Variants in ZNF606 observed in about 807,000 individuals in gnomAD.
ZNF606 encodes zinc finger protein 606, also known as zinc finger protein 328.
ZNF606 carries 37 observed loss-of-function variants against 74.9 expected under a neutral mutation model. That is an observed-to-expected ratio of 0.49 (90% CI 0.38 to 0.65). The LOEUF is 0.65. Among genes scored for constraint, ZNF606 ranks in the 30% least tolerant of loss-of-function variants. The pLI is 0.00. For synonymous variants in ZNF606, 328 were observed against 312.4 expected, an observed-to-expected ratio of 1.05 and a Z score of -0.53; for missense variants, 852 against 952.9, an observed-to-expected ratio of 0.89 and a Z score of 1.39.
At chr19:57,983,276 A>G (rs1279415739) in intron 6 of ZNF606, among the ~76,000 whole-genome samples, 1 of 152,146 alleles carries the variant, frequency 6.6e-6, no homozygotes, top group Non-Finnish European at 1.5e-5. Context: ...ATGAATATAC[A>G]TGAAATATCA....
chr19:57,982,955 C>T (rs1387662362), intron 6 of ZNF606, among the ~76,000 whole-genome samples: 2 of 150,514 alleles, frequency 1.3e-5, no homozygotes, highest in Non-Finnish European at 3.0e-5. Context: ...CCCCCACGAC[C>T]ATTATAACAG....
chr19:57,989,100 G>A (rs4801536), intron 4 of ZNF606, among the ~76,000 whole-genome samples: 25,042 of 152,156 alleles, frequency 0.16, 2,168 homozygotes, highest in African/African-American at 0.23. Context: ...GGCTACAAGC[G>A]AGACCTTGAG....
Position 58,000,658 on chromosome 19 carries a change from A to G in ZNF606, c.88+25T>C, listed in dbSNP as rs779882770. On this transcript the variant is annotated intron_variant, in intron 3 of 6. Transcript: ENST00000551380. ...GCCAGAGGCCACAATATGGCAGCCC[A>G]CAGCTGACCAGGCTCTTGACTCACC... 3.7e-6 allele frequency: 6 copies of G among 1,613,736 alleles called. No homozygotes were observed. In the South Asian group the frequency reaches 6.6e-5, roughly 18 times the overall value.
intron 5 of ZNF606, 48 bp from the exon 6 acceptor site, chr19:57,988,350 C>CATG: frequency 6.3e-7 from 1 of 1,575,436 alleles, no homozygotes; most frequent in Non-Finnish European, 8.7e-7. Flanking sequence ...GGCTTCAGGA[C>CATG]AGCCAAAGAA....
intron 1 of ZNF606, 65 bp downstream of exon 1, chr19:58,002,331 C>T (rs956008019): frequency 2.2e-6 from 1 of 456,750 alleles, no homozygotes; most frequent in Non-Finnish European, 4.4e-6. Flanking sequence ...CCAGAGCTCC[C>T]GACCCAAATT....
In ZNF606 at chr19:57,978,747, T is replaced by C. The variant is rs1451546344; in HGVS notation, c.1933A>G (p.Thr645Ala). The C allele has an allele frequency of 3.1e-6, 5 of 1,614,088 alleles. No individual in the cohort carries two copies. The African/African-American group carries it at 6.7e-5, about 22-fold the overall frequency. ...QMAHLVRHQR[T>A]HTGEKPYECN... ...TCATAGGGTTTTTCTCCAGTATGAG[T>C]CCTTTGATGTCTAACAAGGTGAGCC... The change falls in exon 7 of 7, where the codon ACT becomes GCT. Residue 645 changes from threonine (T) to alanine (A), a missense_variant. This residue lies in a region of ZNF606 where 243 missense variants were observed against 359.2 expected (regional missense o/e 0.68). Transcript: ENST00000551380. The surrounding 1 kb of genome is among the most constrained non-coding windows in gnomAD (Gnocchi z 4.4).
At position 58,002,609 on chromosome 19, in the gene ZNF606, G is replaced by GGGAGGCCGGAGGCA; in HGVS notation, c.-279_-266dup. ...CAGAAAACGAAGAACGCCCGGAGGC[G>GGGAGGCCGGAGGCA]GGAGGCCGGAGGCAGGCTGCTGGCT... On this transcript the variant is annotated 5_prime_UTR_variant, in exon 1 of 7. Transcript: ENST00000551380. 2.3e-6 allele frequency: 1 copy of GGGAGGCCGGAGGCA among 441,948 alleles called. No individual in the cohort carries two copies. The highest frequency in any genetic ancestry group is 4.5e-6 in the Non-Finnish European group (1 of 223,510). The allele number at this position is 441,948 out of a possible 1,614,324, so 27.4% of individuals were successfully genotyped here.
At chr19:57,996,118 T>G (rs2073338668) in intron 4 of ZNF606, among the ~76,000 whole-genome samples, 1 of 152,164 alleles carries the variant, frequency 6.6e-6, no homozygotes, top group African/African-American at 2.4e-5. Context: ...GTAAGCCCCA[T>G]GGGCTAAAAA....
At chr19:57,989,741 C>T (rs1157832730) in intron 4 of ZNF606, among the ~76,000 whole-genome samples, 2 of 151,808 alleles carry the variant, frequency 1.3e-5, no homozygotes, top group Admixed American at 6.6e-5. Flanking sequence ...GCCACTGCAC[C>T]CAGCTTCGAG....
Position 57,979,692 on chromosome 19 carries a change from G to A in ZNF606, c.988C>T (p.Pro330Ser). 6.2e-7 allele frequency: 1 copy of A among 1,613,418 alleles called. No individual in the cohort carries two copies. Among genetic ancestry groups the A allele is most frequent in the South Asian group, 1.1e-5 (1 of 90,970 alleles). ...AGCCTTGGGTGTTCATTAAATGATG[G>A]GCTCTGGTTAAAGATTTGATGGCAT... is the stretch of plus-strand genomic sequence containing the variant. ...KECHQIFNQS[P>S]SFNEHPRLHV... Residue 330 changes from proline to serine, a missense_variant, in exon 7 of 7, where the codon CCA (proline) becomes TCA (serine). By Grantham distance (74) the Pro-to-Ser change is moderately conservative. Transcript: ENST00000551380.
At chr19:57,987,053 G>A (rs1168174341) in intron 6 of ZNF606, among the ~76,000 whole-genome samples, 1 of 152,120 alleles carries the variant, frequency 6.6e-6, no homozygotes, top group East Asian at 1.9e-4. Context: ...TTGTACTACT[G>A]CACTCCAGCC....
intron 4 of ZNF606, chr19:57,997,970 A>G (rs1478367277): frequency 6.6e-6 from 1 of 152,186 alleles, no homozygotes; most frequent in Non-Finnish European, 1.5e-5. Flanking sequence ...GCCAAGTGGG[A>G]ACAGCATACT....
Position 57,978,160 on chromosome 19 carries a change from T to C in ZNF606, c.*141A>G. Reference sequence around the variant, plus strand: ...CTATTCTTTTCCTTCATGGGGTTTCTTCTAAGATGATATTTTCTAGTAAAT... The same window carrying C: ...CTATTCTTTTCCTTCATGGGGTTTCCTCTAAGATGATATTTTCTAGTAAAT... On this transcript the variant is annotated 3_prime_UTR_variant, in exon 7 of 7. Coordinates refer to ENST00000551380, the MANE Select transcript of ZNF606 (RefSeq NM_001348022.3). This position sits in a 1 kb window ranked among gnomAD's most constrained non-coding sequence, Gnocchi z 4.4. 2.3e-6 allele frequency: 2 copies of C among 873,692 alleles called. No homozygotes were observed. Among genetic ancestry groups the C allele is most frequent in the Non-Finnish European group, 3.3e-6 (2 of 599,890 alleles). 54.1% of individuals were successfully genotyped at this position (873,692 alleles called of 1,614,324 possible). A position where few individuals can be genotyped will look rare whatever the true frequency, so the allele number is the denominator to read the frequency against.
At chr19:57,981,057 G>C (rs1329376872) in intron 6 of ZNF606, among the ~76,000 whole-genome samples, 1 of 152,142 alleles carries the variant, frequency 6.6e-6, no homozygotes. Flanking sequence ...GTCATTCATA[G>C]TGATCACCTG....
rs1568586464 is a variant in ZNF606 at position 58,001,350 on chromosome 19, AG to A, written c.-32del. 6.2e-7 allele frequency: 1 copy of A among 1,614,170 alleles called. No individual in the cohort carries two copies. Among genetic ancestry groups the A allele is most frequent in the Non-Finnish European group, 8.5e-7 (1 of 1,180,000 alleles). On this transcript the variant is annotated 5_prime_UTR_variant, in exon 2 of 7. Coordinates refer to ENST00000551380, the MANE Select transcript of ZNF606 (RefSeq NM_001348022.3). The stretch of plus-strand genomic sequence containing the variant: ...GGACTGATTGACCAGGCACCTGCCC[AG>A]GAACACAGCAAATCCCAACCTAGTG...
chr19:57,979,958 T>C lies in ZNF606; in HGVS notation c.722A>G (p.Asp241Gly), dbSNP rs1331265186. ...VSQIEHFYKPDTHAQSWRCDS... is the reference protein window; with the variant it reads ...VSQIEHFYKPGTHAQSWRCDS... ...ACATCTCCAACTTTGAGCATGTGTA[T>C]CAGGCTTATAGAAATGTTCTATCTG... Residue 241 changes from aspartate to glycine, a missense_variant, in exon 7 of 7, where the codon GAT (aspartate) becomes GGT (glycine). Physicochemically the swap from Asp to Gly is moderately conservative, Grantham distance 94. Around this residue, in one of 3 missense-constraint regions of ZNF606, gnomAD observed 545 missense variants for 542.5 expected, o/e 1.00. Transcript: ENST00000551380. 1 of 1,613,996 alleles carries C rather than the reference T, an allele frequency of 6.2e-7. No homozygotes were observed. The highest frequency in any genetic ancestry group is 1.3e-5 in the African/African-American group (1 of 75,060).
intron 2 of ZNF606, 58 bp from the exon 3 acceptor site, chr19:58,000,797 A>G: frequency 2.0e-6 from 3 of 1,478,124 alleles, no homozygotes; most frequent in Middle Eastern, 1.8e-4. Flanking sequence ...CAAGGCGACA[A>G]AATACAAGAG....
chr19:57,997,798 C>T (rs1346802983), intron 4 of ZNF606: 1 of 152,214 alleles, frequency 6.6e-6, no homozygotes, highest in African/African-American at 2.4e-5. Flanking sequence ...AGTCTAGCTT[C>T]ACTACTGATT....
intron 3 of ZNF606, 96 bp downstream of exon 3, chr19:58,000,587 C>T (rs774934695): frequency 7.4e-7 from 1 of 1,345,236 alleles, no homozygotes; most frequent in Admixed American, 1.7e-5. Flanking sequence ...GCCCTAAAGC[C>T]CCACCTGGTC....
Sources: gnomAD v4.1 joint callset for allele counts (sites outside exome capture counted in the v4.1 genomes callset) on GRCh38, gnomAD v4.1.1 for gene constraint, gnomAD v4.1.1 regional missense constraint, Gnocchi (gnomAD v3.1) non-coding constraint, MANE v1.5 for transcripts, NCBI Gene and HGNC (gene_info 2026-07-23, HGNC 2026-07-21) for gene names.